COX7B2: variants seen among roughly 807,000 people sequenced by gnomAD.
The protein encoded by COX7B2 is cytochrome c oxidase subunit 7B2, also known as cytochrome c oxidase subunit 7B2, mitochondrial.
For synonymous variants in COX7B2, 37 were observed against 32.1 expected (o/e 1.15, Z -0.51); for missense variants, 109 against 95.9 (o/e 1.14, Z -0.57).
At chr4:46,796,666 A>G (rs1307384619) in intron 2 of COX7B2, among the ~76,000 whole-genome samples, 2 of 39,346 alleles carry the variant, frequency 5.1e-5, no homozygotes, top group Non-Finnish European at 9.0e-5. Context: ...GGCACTATTC[A>G]CAATAGCAAA....
chr4:46,752,841 T>C (rs1439208648), intron 2 of COX7B2, among the ~76,000 whole-genome samples: 3 of 152,182 alleles, frequency 2.0e-5, no homozygotes, highest in African/African-American at 7.2e-5. Flanking sequence ...TTGAGGATTT[T>C]TGCATCGATG....
At chr4:46,738,966 C>CA (rs1312780982) in intron 2 of COX7B2, among the ~76,000 whole-genome samples, 1 of 151,850 alleles carries the variant, frequency 6.6e-6, no homozygotes, top group Non-Finnish European at 1.5e-5. Flanking sequence ...GTTCTTTCTG[C>CA]AAAAAATAAC....
chr4:46,834,717 G>A (rs2109738026), intron 2 of COX7B2, among the ~76,000 whole-genome samples: 1 of 152,004 alleles, frequency 6.6e-6, no homozygotes, highest in South Asian at 2.1e-4. Flanking sequence ...TTTAAATATA[G>A]AATATGAAGA....
chr4:46,831,284 G>A (rs183538957), intron 2 of COX7B2, among the ~76,000 whole-genome samples: 62 of 152,282 alleles, frequency 4.1e-4, no homozygotes, highest in African/African-American at 1.4e-3. Context: ...ACACAGCAGC[G>A]CTCAGGACCT....
rs191260202 is a variant in COX7B2 at position 46,788,047 on chromosome 4, T to A, written c.-49-52806A>T. ...TCAGGGACGAAGGCTTTCAACAAACTCAGCTGGGCACACAGACTTGTTTAC... is the reference window on the plus strand; with the variant it reads ...TCAGGGACGAAGGCTTTCAACAAACACAGCTGGGCACACAGACTTGTTTAC... On this transcript the variant is annotated intron_variant, in intron 2 of 2. Transcript: ENST00000355591. Among the ~76,000 whole-genome samples, 186 of 151,998 alleles carry A rather than the reference T, an allele frequency of 1.2e-3. 1 individual carries two copies. The highest frequency in any genetic ancestry group is 4.2e-3 in the African/African-American group (176 of 41,444).
intron 2 of COX7B2, among the ~76,000 whole-genome samples, chr4:46,773,737 A>G (rs1206636992): frequency 6.6e-6 from 1 of 152,180 alleles, no homozygotes; most frequent in Non-Finnish European, 1.5e-5. Flanking sequence ...CTGAGCATCT[A>G]GATTTCTAAT....
intron 2 of COX7B2, among the ~76,000 whole-genome samples, chr4:46,758,471 T>A (rs775954417): frequency 5.9e-5 from 9 of 152,102 alleles, no homozygotes; most frequent in Non-Finnish European, 1.2e-4. Context: ...TTTTTATTGA[T>A]GAAAATTTCA....
At chr4:46,900,752 G>A (rs113432755) in intron 1 of COX7B2, among the ~76,000 whole-genome samples, 53 of 152,230 alleles carry the variant, frequency 3.5e-4, no homozygotes, top group African/African-American at 1.2e-3. Context: ...CTACCACCAT[G>A]TGAGAATACA....
chr4:46,784,968 GAAAT>G (rs1717671056), intron 2 of COX7B2, among the ~76,000 whole-genome samples: 1 of 152,028 alleles, frequency 6.6e-6, no homozygotes, highest in Admixed American at 6.5e-5. Context: ...TTTACTAAGG[GAAAT>G]AATTAAATCA....
chr4:46,898,700 C>T (rs550742048), intron 1 of COX7B2, among the ~76,000 whole-genome samples: 7 of 152,170 alleles, frequency 4.6e-5, no homozygotes, highest in African/African-American at 1.7e-4. Flanking sequence ...GCTGGGATTA[C>T]AAGCGTGAGC....
At chr4:46,752,135 T>A (rs1038981681) in intron 2 of COX7B2, among the ~76,000 whole-genome samples, 54 of 152,294 alleles carry the variant, frequency 3.5e-4, no homozygotes, top group African/African-American at 1.2e-3. Context: ...GTCCTTCATA[T>A]CCCTTGTAAG....
chr4:46,747,912 C>T (rs908220100), intron 2 of COX7B2, among the ~76,000 whole-genome samples: 1 of 151,762 alleles, frequency 6.6e-6, no homozygotes, highest in African/African-American at 2.4e-5. Context: ...GCCTCACAGA[C>T]ATCTTTAAGA....
rs1716012520 is a variant in COX7B2 at position 46,842,656 on chromosome 4, G to GT, written c.-50+2303dup. Among the ~76,000 whole-genome samples the GT allele has an allele frequency of 7.2e-5, 11 of 151,908 alleles. No individual in the cohort carries two copies. In the South Asian group the frequency reaches 2.3e-3, roughly 32 times the overall value. ...TATGAGTGAGAACATGCGGTGTTTG[G>GT]TTTTTTGTCCTTGCGATAGTTTGCT... On this transcript the variant is annotated intron_variant, in intron 2 of 2. Transcript: ENST00000355591.
intron 1 of COX7B2, among the ~76,000 whole-genome samples, chr4:46,894,617 C>T (rs1719639462): frequency 6.6e-6 from 1 of 152,084 alleles, no homozygotes; most frequent in Admixed American, 6.6e-5. Flanking sequence ...ACTATTGCAA[C>T]CAAAGCAAAA....
intron 2 of COX7B2, among the ~76,000 whole-genome samples, chr4:46,797,713 T>C (rs1718439219): frequency 6.6e-6 from 1 of 152,168 alleles, no homozygotes; most frequent in Non-Finnish European, 1.5e-5. Context: ...ATATGGCCTG[T>C]AAAGAAGACA....
chr4:46,892,788 G>A (rs190451619), intron 1 of COX7B2, among the ~76,000 whole-genome samples: 5 of 152,242 alleles, frequency 3.3e-5, no homozygotes, highest in East Asian at 1.9e-4. Flanking sequence ...ATACGGTTTC[G>A]CTGTGTCCCC....
chr4:46,832,047 C>T (rs1231242278), intron 2 of COX7B2, among the ~76,000 whole-genome samples: 8 of 152,194 alleles, frequency 5.3e-5, no homozygotes, highest in Non-Finnish European at 1.2e-4. Context: ...ATGGACCAAT[C>T]AGCAGGATGT....
At chr4:46,826,817 T>G (rs2109712437) in intron 2 of COX7B2, among the ~76,000 whole-genome samples, 1 of 151,966 alleles carries the variant, frequency 6.6e-6, no homozygotes, top group Non-Finnish European at 1.5e-5. Context: ...TGACAAGAAC[T>G]TATGAACACA....
intron 1 of COX7B2, chr4:46,904,043 T>A (rs142338711): frequency 6.6e-6 from 1 of 152,332 alleles, no homozygotes; most frequent in South Asian, 2.1e-4. Context: ...TGTATCTCTA[T>A]CATATTTTTA....
Sources: gnomAD v4.1 joint callset for allele counts (sites outside exome capture counted in the v4.1 genomes callset) on GRCh38, gnomAD v4.1.1 for gene constraint, MANE v1.5 for transcripts, NCBI Gene and HGNC (gene_info 2026-07-23, HGNC 2026-07-21) for gene names.